Variants in TRMT44 observed in about 807,000 individuals in gnomAD.
The protein encoded by TRMT44 is tRNA methyltransferase 44 homolog.
TRMT44 carries 78 observed loss-of-function variants against 77.3 expected under a neutral mutation model. That is an observed-to-expected ratio of 1.01 (90% CI 0.84 to 1.22). The LOEUF (loss-of-function observed/expected upper bound fraction) is 1.22. Among genes scored for constraint, TRMT44 ranks in the 50% most tolerant of loss-of-function variants. TRMT44 has a pLI of 0.00. For synonymous variants in TRMT44, 391 were observed against 383.3 expected, an observed-to-expected ratio of 1.02 and a Z score of -0.23; for missense variants, 1,090 against 964.4, an observed-to-expected ratio of 1.13 and a Z score of -1.73.
At position 8,465,445 on chromosome 4, in the gene TRMT44, C is replaced by G. The variant is rs370035059; in HGVS notation, c.1378C>G (p.Arg460Gly). Residue 460 changes from arginine (R) to glycine (G), a missense_variant, in exon 8 of 11, where the codon CGG becomes GGG. Coordinates refer to ENST00000389737, the MANE Select transcript of TRMT44 (RefSeq NM_152544.3). ...CFFDFIGRYS[R>G]RQSKKTQYRE... ...CTTTGACTTCATTGGAAGATACTCC[C>G]GGAGGCAGAGTAAGAAGACTCAGTA... is the stretch of plus-strand genomic sequence containing the variant. The G allele has an allele frequency of 1.2e-6, 2 of 1,614,012 alleles. No individual in the cohort carries two copies. Among genetic ancestry groups the G allele is most frequent in the Non-Finnish European group, 1.7e-6 (2 of 1,180,038 alleles).
chr4:8,464,505 C>T (rs373019790), intron 7 of TRMT44, among the ~76,000 whole-genome samples: 33 of 152,322 alleles, frequency 2.2e-4, no homozygotes, highest in African/African-American at 7.0e-4. Context: ...CAGTTGCCTC[C>T]GCACGGGGAG....
the TRMT44 span, among the ~76,000 whole-genome samples, chr4:8,504,275 C>G: frequency 6.6e-6 from 1 of 152,212 alleles, no homozygotes; most frequent in Non-Finnish European, 1.5e-5. This position sits in a 1 kb window ranked among gnomAD's most constrained non-coding sequence, Gnocchi z 5.3. Context: ...TGCGCTCCTG[C>G]AGGGCTGAGC....
intron 2 of TRMT44, among the ~76,000 whole-genome samples, chr4:8,490,858 TG>T (rs1369175703): frequency 1.3e-5 from 2 of 152,220 alleles, no homozygotes. Context: ...GACAGGGTGC[TG>T]ATTGGTGCGT....
chr4:8,497,921 G>A (rs140545563), downstream of TRMT44, among the ~76,000 whole-genome samples: 1,358 of 152,256 alleles, frequency 8.9e-3, 8 homozygotes, highest in Admixed American at 0.014. Context: ...TGGGGCTGGC[G>A]TGGGGGGGGC....
In TRMT44 at chr4:8,452,151, A is replaced by C. The variant is rs1725494091; in HGVS notation, c.1023+123A>C. 5 of 902,814 alleles carry C rather than the reference A, an allele frequency of 5.5e-6. No homozygotes were observed. Among genetic ancestry groups the C allele is most frequent in the Non-Finnish European group, 6.9e-6 (4 of 581,512 alleles). 55.9% of individuals were successfully genotyped at this position (902,814 alleles called of 1,614,324 possible). A position where few individuals can be genotyped will look rare whatever the true frequency, so the allele number is the denominator to read the frequency against. On this transcript the variant is annotated intron_variant, in intron 4 of 10. Coordinates refer to ENST00000389737, the MANE Select transcript of TRMT44 (RefSeq NM_152544.3). The surrounding 1 kb of genome is among the most constrained non-coding windows in gnomAD (Gnocchi z 5.7). The stretch of plus-strand genomic sequence containing the variant: ...CCGGTGCTCACAATTCTGCTGGCCA[A>C]GGTTGGTTTCTCGTGTAATGGTTTG...
the TRMT44 span, chr4:8,510,285 T>A: frequency 6.5e-6 from 1 of 152,734 alleles, no homozygotes; most frequent in Non-Finnish European, 1.5e-5. Context: ...CTCGCGTTCC[T>A]GGGCTAGGGA....
At chr4:8,497,623 C>T (rs562138350), downstream of TRMT44, among the ~76,000 whole-genome samples, 11 of 152,132 alleles carry the variant, frequency 7.2e-5, no homozygotes, top group Admixed American at 5.9e-4. Flanking sequence ...CCAGCCTGGG[C>T]GACACAGTGA....
chr4:8,464,101 AGAG>A lies in TRMT44; in HGVS notation c.1310+14_1310+16del, dbSNP rs1560233259. 6.2e-7 allele frequency: 1 copy of A among 1,610,352 alleles called. No individual in the cohort carries two copies. Among genetic ancestry groups the A allele is most frequent in the East Asian group, 2.2e-5 (1 of 44,820 alleles). ...CTGTCATTGCAGCCAGGTGAGAAGTAGAGGAGTTATCAGGTGAATGGCTGGGGA... is the reference window on the plus strand; with the variant it reads ...CTGTCATTGCAGCCAGGTGAGAAGTAGAGTTATCAGGTGAATGGCTGGGGA... On this transcript the variant is annotated intron_variant, in intron 7 of 10. Transcript: ENST00000389737.
intron 9 of TRMT44, among the ~76,000 whole-genome samples, chr4:8,470,491 C>G (rs1056256561): frequency 6.6e-6 from 1 of 152,278 alleles, no homozygotes; most frequent in African/African-American, 2.4e-5. Flanking sequence ...TAATAAATGA[C>G]TTTAATGTCA....
intron 2 of TRMT44, among the ~76,000 whole-genome samples, chr4:8,448,228 G>C (rs1173482793): frequency 6.6e-6 from 1 of 152,154 alleles, no homozygotes; most frequent in Non-Finnish European, 1.5e-5. Flanking sequence ...CAAATGAGGG[G>C]CTCCACTGTC....
intron 9 of TRMT44, 56 bp downstream of exon 9, chr4:8,468,402 G>T: frequency 6.4e-7 from 1 of 1,553,790 alleles, no homozygotes; most frequent in Non-Finnish European, 8.9e-7. Context: ...TTGAGGGCAG[G>T]AATTCACGTC....
the TRMT44 span, among the ~76,000 whole-genome samples, chr4:8,516,052 C>A: frequency 2.5e-3 from 376 of 152,258 alleles, no homozygotes; most frequent in Middle Eastern, 6.8e-3. Flanking sequence ...CCCAGCTGTA[C>A]GCTGGGGGTC....
At chr4:8,496,452 G>A (rs1728153404), downstream of TRMT44, among the ~76,000 whole-genome samples, 1 of 152,210 alleles carries the variant, frequency 6.6e-6, no homozygotes, top group East Asian at 1.9e-4. Flanking sequence ...CAGCTGAAAT[G>A]GAAGGCAGGA....
At chr4:8,507,208 C>T in the TRMT44 span, 2 of 152,534 alleles carry the variant, frequency 1.3e-5, no homozygotes. Flanking sequence ...CCCTCCACCT[C>T]AGCCCTGGCC....
rs377214634 is a variant in TRMT44 at position 8,452,757 on chromosome 4, A to G, written c.1024-125A>G. The stretch of plus-strand genomic sequence containing the variant: ...CTCAAAAAAAGAAAAAAAAAAAAGA[A>G]TGTTTAGTGTAGATGATTTCAAGTT... On this transcript the variant is annotated intron_variant, in intron 4 of 10. Coordinates refer to ENST00000389737, the MANE Select transcript of TRMT44 (RefSeq NM_152544.3). The surrounding 1 kb of genome is among the most constrained non-coding windows in gnomAD (Gnocchi z 5.7). 3.7e-6 allele frequency: 2 copies of G among 534,760 alleles called. No homozygotes were observed. The highest frequency in any genetic ancestry group is 6.4e-6 in the Non-Finnish European group (2 of 311,216). The allele number at this position is 534,760 out of a possible 1,614,324, so 33.1% of individuals were successfully genotyped here. A position where few individuals can be genotyped will look rare whatever the true frequency, so the allele number is the denominator to read the frequency against.
intron 3 of TRMT44, 63 bp downstream of exon 3, chr4:8,449,951 T>TTTCTTTTAA: frequency 3.6e-6 from 1 of 274,312 alleles, no homozygotes; most frequent in Non-Finnish European, 5.3e-6. Flanking sequence ...TTTCTTTTCT[T>TTTCTTTTAA]TTTTTTTTTT....
At chr4:8,495,448 T>A (rs1378259225), downstream of TRMT44, among the ~76,000 whole-genome samples, 1 of 152,144 alleles carries the variant, frequency 6.6e-6, no homozygotes, top group African/African-American at 2.4e-5. Context: ...TGCCTTTGTT[T>A]TTCACCCTCC....
rs1042583984 is a variant in TRMT44, at chr4:8,451,600, C to A, written c.955-360C>A. Among the ~76,000 whole-genome samples the A allele has an allele frequency of 3.9e-5, 6 of 152,190 alleles. No homozygotes were observed. Among genetic ancestry groups the A allele is most frequent in the African/African-American group, 1.2e-4 (5 of 41,448 alleles). On this transcript the variant is annotated intron_variant, in intron 3 of 10. Coordinates refer to ENST00000389737, the MANE Select transcript of TRMT44 (RefSeq NM_152544.3). The surrounding 1 kb of genome is among the most constrained non-coding windows in gnomAD (Gnocchi z 4.1). ...TCCTAGTTTGTGGCTCGCGGCTCTCCCTGCCCTAGTTTCACTCCCACGCCT... is the reference window on the plus strand; with the variant it reads ...TCCTAGTTTGTGGCTCGCGGCTCTCACTGCCCTAGTTTCACTCCCACGCCT...
At chr4:8,497,688 C>T (rs569555469), downstream of TRMT44, among the ~76,000 whole-genome samples, 5 of 152,342 alleles carry the variant, frequency 3.3e-5, no homozygotes, top group South Asian at 2.1e-4. Flanking sequence ...TGTCTTTGTT[C>T]AAGGCTCAGC....
Sources: allele counts gnomAD v4.1 joint callset (sites outside exome capture counted in the v4.1 genomes callset), GRCh38; gene constraint gnomAD v4.1.1; non-coding constraint Gnocchi (gnomAD v3.1); transcripts MANE v1.5; gene names NCBI Gene and HGNC (gene_info 2026-07-23, HGNC 2026-07-21).